Variants in NAV2 observed in about 807,000 individuals in gnomAD.
NAV2 encodes the protein neuron navigator 2.
In NAV2, 54 loss-of-function variants were observed where a neutral mutation model predicts 223.2. The observed-to-expected ratio is 0.24, with a 90% CI of 0.19 to 0.30. The LOEUF (loss-of-function observed/expected upper bound fraction) is 0.30, where lower values mean the gene tolerates loss of function less well. Among genes scored for constraint, NAV2 ranks in the 10% least tolerant of loss-of-function variants. NAV2 has a pLI of 1.00. For missense variants in NAV2, 2,806 were observed against 3,147.5 expected, an observed-to-expected ratio of 0.89 and a Z score of 2.60; for synonymous variants, 1,279 against 1,239.3, an observed-to-expected ratio of 1.03 and a Z score of -0.67.
chr11:19,758,196 A>G (rs1012511384), intron 1 of NAV2, among the ~76,000 whole-genome samples: 1 of 152,244 alleles, frequency 6.6e-6, no homozygotes, highest in African/African-American at 2.4e-5. Flanking sequence ...ACAAGAATGA[A>G]CAAAACAGGA....
At chr11:19,543,743 TTC>T (rs2044403823) in intron 1 of NAV2, among the ~76,000 whole-genome samples, 1 of 152,236 alleles carries the variant, frequency 6.6e-6, no homozygotes, top group Non-Finnish European at 1.5e-5. Flanking sequence ...CAAAAGTTAC[TTC>T]TCTTTCTCTT....
At chr11:19,852,570 A>C (rs2061203046) in intron 3 of NAV2, among the ~76,000 whole-genome samples, 1 of 152,236 alleles carries the variant, frequency 6.6e-6, no homozygotes, top group Non-Finnish European at 1.5e-5. Flanking sequence ...CTCTTTGCCA[A>C]TGTAAACTCA....
At chr11:20,083,294 C>T in intron 26 of NAV2, 115 bp downstream of exon 26, 3 of 794,014 alleles carry the variant, frequency 3.8e-6, no homozygotes, top group Non-Finnish European at 6.0e-6. Context: ...TTATGCTTTG[C>T]TTTAATAGGA....
At chr11:20,029,122 C>A (rs2055422764) in intron 11 of NAV2, among the ~76,000 whole-genome samples, 1 of 152,202 alleles carries the variant, frequency 6.6e-6, no homozygotes, top group Non-Finnish European at 1.5e-5. Flanking sequence ...AGTGTGGAGA[C>A]CTCCAGTGTG....
rs2063308046 is a variant in NAV2, at chr11:20,118,388, C to G, written c.*130C>G. 11 of 1,120,924 alleles carry G rather than the reference C, an allele frequency of 9.8e-6. No individual in the cohort carries two copies. Among genetic ancestry groups the G allele is most frequent in the Non-Finnish European group, 1.4e-5 (11 of 783,652 alleles). 69.4% of individuals were successfully genotyped at this position (1,120,924 alleles called of 1,614,324 possible). On this transcript the variant is annotated 3_prime_UTR_variant, in exon 38 of 38. Coordinates refer to ENST00000349880, the MANE Select transcript of NAV2 (RefSeq NM_145117.5). ...CTTAGAGCTGCGGGAACACCGAGAC[C>G]CCCCGTCCTTCAGCCTCGACCTGGG...
intron 1 of NAV2, among the ~76,000 whole-genome samples, chr11:19,802,497 T>C (rs911480612): frequency 1.3e-5 from 2 of 152,176 alleles, no homozygotes; most frequent in African/African-American, 4.8e-5. Flanking sequence ...TTGCATCTTT[T>C]AAATAAGTTA....
At chr11:19,923,106 CA>C (rs1683936840) in intron 6 of NAV2, among the ~76,000 whole-genome samples, 3 of 152,170 alleles carry the variant, frequency 2.0e-5, no homozygotes, top group Admixed American at 2.0e-4. Flanking sequence ...TATAACATCA[CA>C]GGGGGAAATA....
Position 19,831,225 on chromosome 11 carries a change from G to GT in NAV2, c.268-1259_268-1258insT, listed in dbSNP as rs201543459. Among the ~76,000 whole-genome samples, 67 of 59,974 alleles carry GT rather than the reference G, an allele frequency of 1.1e-3. 3 individuals carry two copies. The highest frequency in any genetic ancestry group is 1.6e-3 in the Non-Finnish European group (43 of 26,794). 39.3% of individuals were successfully genotyped at this position (59,974 alleles called of 152,430 possible). A position where few individuals can be genotyped will look rare whatever the true frequency, so the allele number is the denominator to read the frequency against. Reference sequence around the variant, plus strand: ...CTGTTCCCATTCCAGGAGTGTTGCGGGGGGGGGGGGGGCGCGATGGGGAGT... The same window carrying GT: ...CTGTTCCCATTCCAGGAGTGTTGCGGTGGGGGGGGGGGGCGCGATGGGGAGT... On this transcript the variant is annotated intron_variant, in intron 1 of 37. Coordinates refer to ENST00000349880, the MANE Select transcript of NAV2 (RefSeq NM_145117.5).
intron 1 of NAV2, among the ~76,000 whole-genome samples, chr11:19,466,855 A>G (rs1310235830): frequency 6.6e-6 from 1 of 152,174 alleles, no homozygotes; most frequent in African/African-American, 2.4e-5. Flanking sequence ...TAAAGAAGAA[A>G]ATAAATTCAC....
intron 1 of NAV2, among the ~76,000 whole-genome samples, chr11:19,662,744 C>T (rs75302082): frequency 0.01 from 1,559 of 152,318 alleles, 13 homozygotes; most frequent in Middle Eastern, 0.02. Flanking sequence ...CCTATAGTAG[C>T]ACCTGCCTGT....
chr11:20,005,248 T>TAC (rs1309448790), intron 11 of NAV2, among the ~76,000 whole-genome samples: 2 of 7,056 alleles, frequency 2.8e-4, no homozygotes, highest in Admixed American at 3.9e-3. Context: ...CATATATATA[T>TAC]ATATATTTTT....
At chr11:19,746,513 A>G (rs1309181503) in intron 1 of NAV2, among the ~76,000 whole-genome samples, 1 of 152,304 alleles carries the variant, frequency 6.6e-6, no homozygotes, top group Non-Finnish European at 1.5e-5. Context: ...TTTATGGAGC[A>G]TGTTTACTGT....
intron 12 of NAV2, among the ~76,000 whole-genome samples, chr11:20,039,343 A>T (rs2056695034): frequency 6.6e-6 from 1 of 152,138 alleles, no homozygotes; most frequent in Non-Finnish European, 1.5e-5. Flanking sequence ...TTATCAGCAC[A>T]TGCTTCCCTA....
At chr11:19,466,984 T>TACACACAC (rs3042688) in intron 1 of NAV2, among the ~76,000 whole-genome samples, 2,456 of 124,948 alleles carry the variant, frequency 0.02, 32 homozygotes, top group East Asian at 0.056. Context: ...TCTCTCTCTC[T>TACACACAC]ACACACACAC....
chr11:19,958,801 T>A (rs2048111560), intron 10 of NAV2, among the ~76,000 whole-genome samples: 3 of 152,190 alleles, frequency 2.0e-5, no homozygotes, highest in African/African-American at 7.2e-5. Context: ...CCTAAGGACA[T>A]ACAGGCATTG....
intron 1 of NAV2, among the ~76,000 whole-genome samples, chr11:19,487,337 G>T (rs2042476290): frequency 6.6e-6 from 1 of 152,220 alleles, no homozygotes; most frequent in South Asian, 2.1e-4. Flanking sequence ...GGGAAAAGGA[G>T]CTGATACTCT....
chr11:19,360,255 T>G (rs1853855483), intron 1 of NAV2, among the ~76,000 whole-genome samples: 1 of 152,200 alleles, frequency 6.6e-6, no homozygotes, highest in African/African-American at 2.4e-5. Flanking sequence ...AATTCCTCAT[T>G]CCCCACCTTT....
At chr11:19,946,323 T>C (rs1369361269) in intron 8 of NAV2, 78 bp from the exon 9 acceptor site, 5 of 1,299,370 alleles carry the variant, frequency 3.8e-6, no homozygotes, top group Non-Finnish European at 5.3e-6. Context: ...ATGGTTATGG[T>C]CATAGACATG....
intron 1 of NAV2, among the ~76,000 whole-genome samples, chr11:19,688,550 G>A (rs75657378): frequency 0.014 from 2,173 of 152,282 alleles, 41 homozygotes; most frequent in African/African-American, 0.047. Context: ...GCAAAACAAG[G>A]AGAATTATTA....
Sources: allele counts gnomAD v4.1 joint callset (sites outside exome capture counted in the v4.1 genomes callset), GRCh38; gene constraint gnomAD v4.1.1; transcripts MANE v1.5; gene names NCBI Gene and HGNC (gene_info 2026-07-23, HGNC 2026-07-21).